The following TSNARE1 variants were observed in gnomAD, a reference collection of about 807,000 sequenced individuals.
TSNARE1 encodes t-SNARE domain containing 1.
In TSNARE1, 49 loss-of-function variants were observed where a neutral mutation model predicts 62.0. That is an observed-to-expected ratio of 0.79 (90% CI 0.63 to 1.00). The LOEUF (loss-of-function observed/expected upper bound fraction) is 1.00. Among genes scored for constraint, TSNARE1 ranks in the 50% least tolerant of loss-of-function variants. The probability of loss-of-function intolerance (pLI) is 0.00; values close to 1 mark genes in which losing one functional copy is unlikely to be tolerated. For synonymous variants in TSNARE1, 328 were observed against 294.4 expected, an observed-to-expected ratio of 1.11 and a Z score of -1.17; for missense variants, 755 against 700.1, an observed-to-expected ratio of 1.08 and a Z score of -0.88.
chr8:142,319,484 C>T lies in TSNARE1; in HGVS notation c.894-850G>A, dbSNP rs1253745876. ...TCTCCCGCTTGGGGTTCGCCACCCC[C>T]ATCCCTGGAGAGAGGAGCACCAGGG... On this transcript the variant is annotated intron_variant, in intron 6 of 13. Transcript: ENST00000524325. The surrounding 1 kb of genome is among the most constrained non-coding windows in gnomAD (Gnocchi z 4.9). Among the ~76,000 whole-genome samples the T allele has an allele frequency of 2.0e-5, 3 of 152,150 alleles. No individual in the cohort carries two copies. The highest frequency in any genetic ancestry group is 7.2e-5 in the African/African-American group (3 of 41,434).
intron 1 of TSNARE1, among the ~76,000 whole-genome samples, chr8:142,394,090 G>T (rs561848461): frequency 6.6e-6 from 1 of 152,342 alleles, no homozygotes; most frequent in South Asian, 2.1e-4. Context: ...ACTCCTTGCT[G>T]GGCTGGGAGG....
At chr8:142,345,491 C>G (rs1833230914) in intron 3 of TSNARE1, among the ~76,000 whole-genome samples, 1 of 152,246 alleles carries the variant, frequency 6.6e-6, no homozygotes, top group Non-Finnish European at 1.5e-5. Context: ...AGCACCCCTG[C>G]TCAGTCCTGA....
rs866308874 is a variant in TSNARE1, at chr8:142,398,247, C to A, written c.-40+4857G>T. Among the ~76,000 whole-genome samples the A allele has an allele frequency of 2.4e-4, 36 of 151,492 alleles. 1 individual carries two copies. The highest frequency in any genetic ancestry group is 8.2e-4 in the African/African-American group (34 of 41,258). On this transcript the variant is annotated intron_variant, in intron 1 of 13. Transcript: ENST00000524325. The stretch of plus-strand genomic sequence containing the variant: ...ACCCCCAAACCCTCCCAAAGCGCAC[C>A]CCCAGCCCTGCCCAAAACACACCCC...
At chr8:142,238,981 G>A (rs1046455762) in intron 12 of TSNARE1, among the ~76,000 whole-genome samples, 5 of 152,294 alleles carry the variant, frequency 3.3e-5, no homozygotes, top group African/African-American at 1.2e-4. Flanking sequence ...GGCAGGGGTG[G>A]TGTCTGGCTC....
At chr8:142,398,218 A>ACGCACCCCCAACCCCTCCCAAAG (rs1838033292) in intron 1 of TSNARE1, among the ~76,000 whole-genome samples, 4 of 145,480 alleles carry the variant, frequency 2.7e-5, no homozygotes, top group Non-Finnish European at 4.5e-5. Flanking sequence ...CCTGCCCAAA[A>ACGCACCCCCAACCCCTCCCAAAG]CGCACCCCCA....
chr8:142,386,664 G>A (rs769145871), intron 1 of TSNARE1, among the ~76,000 whole-genome samples: 1 of 152,180 alleles, frequency 6.6e-6, no homozygotes, highest in Non-Finnish European at 1.5e-5. Flanking sequence ...GGTATGCCAA[G>A]CAGATACAAA....
intron 12 of TSNARE1, among the ~76,000 whole-genome samples, chr8:142,261,063 A>AGGAG (rs1818854476): frequency 6.6e-5 from 7 of 106,416 alleles, no homozygotes; most frequent in Non-Finnish European, 7.7e-5. Context: ...AGAGGGAAGC[A>AGGAG]GGAGGGAGGA....
intron 1 of TSNARE1, among the ~76,000 whole-genome samples, chr8:142,387,692 C>G (rs1446746295): frequency 6.6e-6 from 1 of 151,872 alleles, no homozygotes; most frequent in Non-Finnish European, 1.5e-5. Context: ...AAAACTGATC[C>G]CAGAAAGTTC....
In TSNARE1 at chr8:142,214,444, C is replaced by A. The variant is rs190698128; in HGVS notation, c.*12-2131G>T. On this transcript the variant is annotated intron_variant, in intron 13 of 13. Transcript: ENST00000524325. Reference sequence around the variant, plus strand: ...GCCCCACTGCACCCAGTCCCTGGATCCCTCGGGATAGTTCTCCAGTCATCC... The same window carrying A: ...GCCCCACTGCACCCAGTCCCTGGATACCTCGGGATAGTTCTCCAGTCATCC... 1.1e-4 allele frequency among the ~76,000 whole-genome samples: 17 copies of A among 152,340 alleles called. No homozygotes were observed. The East Asian group carries it at 3.3e-3, about 29-fold the overall frequency.
intron 7 of TSNARE1, among the ~76,000 whole-genome samples, chr8:142,317,643 G>A (rs534611456): frequency 4.6e-5 from 7 of 152,320 alleles, no homozygotes; most frequent in South Asian, 4.1e-4. Context: ...GTGGTGGAGC[G>A]GAGGGTGTGG....
chr8:142,332,296 G>A (rs1338817087), intron 4 of TSNARE1, among the ~76,000 whole-genome samples: 4 of 152,300 alleles, frequency 2.6e-5, no homozygotes, highest in African/African-American at 4.8e-5. Context: ...AGCACAGCAC[G>A]CACAGAGATG....
chr8:142,312,832 C>A (rs541647685), intron 9 of TSNARE1, among the ~76,000 whole-genome samples: 3 of 152,360 alleles, frequency 2.0e-5, no homozygotes, highest in Admixed American at 2.0e-4. Flanking sequence ...TAAGCCACCA[C>A]TGCTGTTCAG....
At chr8:142,331,926 G>C (rs1831110060) in intron 4 of TSNARE1, 95 bp from the exon 5 acceptor site, 1 of 1,235,282 alleles carries the variant, frequency 8.1e-7, no homozygotes. Flanking sequence ...CCAGGGGCAG[G>C]GACCCGACAG....
chr8:142,341,003 G>A (rs1048040140), intron 4 of TSNARE1, among the ~76,000 whole-genome samples: 1 of 152,210 alleles, frequency 6.6e-6, no homozygotes, highest in East Asian at 1.9e-4. Flanking sequence ...AGTCAAAGAC[G>A]AGGTATGCAA....
intron 13 of TSNARE1, among the ~76,000 whole-genome samples, chr8:142,221,754 CATT>C (rs1816237564): frequency 2.4e-5 from 1 of 41,782 alleles, no homozygotes; most frequent in Non-Finnish European, 5.2e-5. Flanking sequence ...CTCACTCACT[CATT>C]CACTCACTCA....
chr8:142,346,628 C>T (rs1160441255), intron 2 of TSNARE1, among the ~76,000 whole-genome samples: 8 of 152,252 alleles, frequency 5.3e-5, no homozygotes, highest in Non-Finnish European at 5.9e-5. Context: ...AGCCAGACCC[C>T]GCGTGCCTGT....
intron 1 of TSNARE1, among the ~76,000 whole-genome samples, chr8:142,386,895 G>C (rs1263929796): frequency 1.3e-5 from 2 of 152,236 alleles, no homozygotes; most frequent in African/African-American, 2.4e-5. Flanking sequence ...GTCCACAACA[G>C]AGCAAGAGAC....
At chr8:142,394,478 G>C (rs1753318259) in intron 1 of TSNARE1, among the ~76,000 whole-genome samples, 1 of 152,208 alleles carries the variant, frequency 6.6e-6, no homozygotes, top group African/African-American at 2.4e-5. Flanking sequence ...GGACGATGAT[G>C]GCAGCAGGTC....
intron 1 of TSNARE1, among the ~76,000 whole-genome samples, chr8:142,385,557 C>T (rs773013373): frequency 4.3e-4 from 65 of 151,970 alleles, no homozygotes; most frequent in Admixed American, 1.8e-3. Flanking sequence ...GAGGGGAATA[C>T]GACAAGAGGG....
Sources: gnomAD v4.1 joint callset for allele counts (sites outside exome capture counted in the v4.1 genomes callset) on GRCh38, gnomAD v4.1.1 for gene constraint, Gnocchi (gnomAD v3.1) non-coding constraint, MANE v1.5 for transcripts, NCBI Gene and HGNC (gene_info 2026-07-23, HGNC 2026-07-21) for gene names.